KIF13A: variants seen among roughly 807,000 people sequenced by gnomAD.
KIF13A encodes kinesin family member 13A.
Under a neutral mutation model 212.2 loss-of-function variants are expected in KIF13A, and 79 were observed. The ratio of observed to expected loss-of-function variants is 0.37; its 90% CI spans 0.31 to 0.45. The LOEUF (loss-of-function observed/expected upper bound fraction) is 0.45, where lower values mean the gene tolerates loss of function less well. Ranked by LOEUF, KIF13A falls within the 20% of genes least tolerant of loss-of-function variation. KIF13A has a pLI of 1.00. For missense variants in KIF13A, 1,901 were observed against 2,209.0 expected (o/e 0.86, Z 2.79); for synonymous variants, 789 against 808.6 (o/e 0.98, Z 0.41).
At chr6:17,835,058 T>C (rs1023936035) in intron 11 of KIF13A, among the ~76,000 whole-genome samples, 2 of 151,668 alleles carry the variant, frequency 1.3e-5, no homozygotes, top group Non-Finnish European at 2.9e-5. Flanking sequence ...GGCGCATGCC[T>C]GTCTGTAATC....
chr6:17,939,225 G>A (rs930029863), intron 2 of KIF13A, among the ~76,000 whole-genome samples: 4 of 152,106 alleles, frequency 2.6e-5, no homozygotes, highest in Non-Finnish European at 5.9e-5. Context: ...AAACAACAAT[G>A]CCTGCAAGGA....
intron 30 of KIF13A, 124 bp downstream of exon 30, chr6:17,781,053 A>T (rs1177479067): frequency 7.2e-7 from 1 of 1,393,100 alleles, no homozygotes; most frequent in East Asian, 2.3e-5. Flanking sequence ...AGCAACACAA[A>T]TGTTCTATTT....
At chr6:17,932,041 G>A (rs992388067) in intron 2 of KIF13A, among the ~76,000 whole-genome samples, 3 of 152,056 alleles carry the variant, frequency 2.0e-5, no homozygotes, top group Admixed American at 1.3e-4. Context: ...GAGCCCCACT[G>A]CAGACCTACT....
chr6:17,981,362 AAAT>A (rs759169793), intron 2 of KIF13A, among the ~76,000 whole-genome samples: 15 of 152,044 alleles, frequency 9.9e-5, no homozygotes, highest in Non-Finnish European at 1.3e-4. Flanking sequence ...ACTGTCAACA[AAAT>A]AATATAACCA....
intron 12 of KIF13A, among the ~76,000 whole-genome samples, chr6:17,832,614 G>C (rs1410290566): frequency 1.3e-5 from 2 of 151,328 alleles, no homozygotes; most frequent in Non-Finnish European, 2.9e-5. Flanking sequence ...TTCCAGCCTG[G>C]GTGACAAAGC....
In KIF13A at chr6:17,940,833, T is replaced by A. The variant is rs1235671135; in HGVS notation, c.147-42653A>T. On this transcript the variant is annotated intron_variant, in intron 2 of 38. Coordinates refer to ENST00000259711, the MANE Select transcript of KIF13A (RefSeq NM_022113.6). ...TGTAAATTTATTTTTTTTTTTTTTT[T>A]TTTTTTTTTTGAGACAGAATTTGGC... Among the ~76,000 whole-genome samples the A allele has an allele frequency of 6.8e-4, 102 of 150,772 alleles. 1 individual carries two copies. The highest frequency in any genetic ancestry group is 2.0e-3 in the African/African-American group (81 of 41,064).
intron 3 of KIF13A, among the ~76,000 whole-genome samples, chr6:17,874,726 G>A (rs541183495): frequency 7.9e-5 from 12 of 151,972 alleles, no homozygotes; most frequent in Admixed American, 5.9e-4. Context: ...CCTGAGCAGT[G>A]TACACTGCAT....
chr6:17,964,189 A>G (rs759803612), intron 2 of KIF13A, among the ~76,000 whole-genome samples: 8 of 152,158 alleles, frequency 5.3e-5, no homozygotes, highest in Admixed American at 1.3e-4. Flanking sequence ...CCAAGAACTA[A>G]TTATTCAGTT....
chr6:17,827,021 C>T (rs1452961115), intron 14 of KIF13A, among the ~76,000 whole-genome samples: 1 of 151,330 alleles, frequency 6.6e-6, no homozygotes, highest in Non-Finnish European at 1.5e-5. Context: ...GAGATCTTGC[C>T]ACTGTACTCC....
Position 17,856,073 on chromosome 6 carries a change from G to C in KIF13A, c.270C>G (p.Ala90=), listed in dbSNP as rs1768110824. The stretch of plus-strand genomic sequence containing the variant: ...AAATACACGCATTATACCCCTGAAA[G>C]GCTTTTTCAAGAATTCCTTCCCCAA... The part of the protein sequence containing the change: ...KCLGEGILEK[A]FQGYNACIFA... Residue 90 remains alanine, a synonymous_variant, in exon 5 of 39, where the codon GCC becomes GCG. Coordinates refer to ENST00000259711, the MANE Select transcript of KIF13A (RefSeq NM_022113.6). This position sits in a 1 kb window ranked among gnomAD's most constrained non-coding sequence, Gnocchi z 4.5. 6.2e-7 allele frequency: 1 copy of C among 1,613,552 alleles called. No individual in the cohort carries two copies. The highest frequency in any genetic ancestry group is 1.3e-5 in the African/African-American group (1 of 74,988).
At chr6:17,983,264 T>C (rs1357489881) in intron 2 of KIF13A, among the ~76,000 whole-genome samples, 6 of 151,222 alleles carry the variant, frequency 4.0e-5, no homozygotes, top group Admixed American at 2.0e-4. Context: ...AAAATGCACA[T>C]ATATATCTGG....
intron 9 of KIF13A, among the ~76,000 whole-genome samples, chr6:17,848,067 C>T (rs1231758388): frequency 6.6e-6 from 1 of 152,130 alleles, no homozygotes; most frequent in Non-Finnish European, 1.5e-5. Flanking sequence ...CCACCTCAGC[C>T]TCCCAAAGTG....
chr6:17,985,632 C>CCGGGGG (rs112580662), intron 2 of KIF13A, among the ~76,000 whole-genome samples: 55 of 38,142 alleles, frequency 1.4e-3, no homozygotes, highest in Middle Eastern at 0.015. Context: ...ATGCAGTTTG[C>CCGGGGG]GGGGGGGTGG....
rs1774201431 is a variant in KIF13A, at chr6:17,912,968, T to C, written c.147-14788A>G. Among the ~76,000 whole-genome samples, 1 of 151,930 alleles carries C rather than the reference T, an allele frequency of 6.6e-6. No homozygotes were observed. The highest frequency in any genetic ancestry group is 1.5e-5 in the Non-Finnish European group (1 of 67,970). On this transcript the variant is annotated intron_variant, in intron 2 of 38. Transcript: ENST00000259711. This position sits in a 1 kb window ranked among gnomAD's most constrained non-coding sequence, Gnocchi z 4.2. ...TTTTTCTAATTATTTTTATTTTTTA[T>C]ACGAGATAGGGTCTCACTATATTGC...
chr6:17,801,225 C>T (rs893188956), intron 20 of KIF13A, among the ~76,000 whole-genome samples: 36 of 151,664 alleles, frequency 2.4e-4, no homozygotes, highest in Admixed American at 8.5e-4. Flanking sequence ...GGCGTGGTGG[C>T]TCAAGCCTAT....
chr6:17,778,593 C>T (rs1041919614), intron 33 of KIF13A, among the ~76,000 whole-genome samples: 1 of 152,140 alleles, frequency 6.6e-6, no homozygotes, highest in Non-Finnish European at 1.5e-5. Context: ...CGACTTTGTA[C>T]CACTTCCTAG....
chr6:17,937,670 A>G (rs1448748643), intron 2 of KIF13A, among the ~76,000 whole-genome samples: 1 of 152,206 alleles, frequency 6.6e-6, no homozygotes, highest in Non-Finnish European at 1.5e-5. Flanking sequence ...TTATTGTCCA[A>G]TATAAGAATG....
Position 17,787,182 on chromosome 6 carries a change from T to A in KIF13A, c.3361+594A>T, listed in dbSNP as rs1761125886. ...GTGCCTAAAGTACCTTGTATTGACA[T>A]ACTGGTATTGATCACATTTGTGTTC... is the stretch of plus-strand genomic sequence containing the variant. On this transcript the variant is annotated intron_variant, in intron 27 of 38. Transcript: ENST00000259711. This position sits in a 1 kb window ranked among gnomAD's most constrained non-coding sequence, Gnocchi z 4.6. 6.6e-6 allele frequency among the ~76,000 whole-genome samples: 1 copy of A among 152,208 alleles called. No individual in the cohort carries two copies. Among genetic ancestry groups the A allele is most frequent in the African/African-American group, 2.4e-5 (1 of 41,458 alleles).
rs1259108356 is a variant in KIF13A at position 17,886,116 on chromosome 6, T to C, written c.159+12052A>G. ...GATCCTATCTGCTATCTCTGATAAA[T>C]GATTATTGTTACTCATAAAAATGAG... is the stretch of plus-strand genomic sequence containing the variant. On this transcript the variant is annotated intron_variant, in intron 3 of 38. Transcript: ENST00000259711. The surrounding 1 kb of genome is among the most constrained non-coding windows in gnomAD (Gnocchi z 5.6). 3.3e-5 allele frequency among the ~76,000 whole-genome samples: 5 copies of C among 152,254 alleles called. No homozygotes were observed. The highest frequency in any genetic ancestry group is 1.5e-5 in the Non-Finnish European group (1 of 68,044).
Sources: gnomAD v4.1 joint callset for allele counts (sites outside exome capture counted in the v4.1 genomes callset) on GRCh38, gnomAD v4.1.1 for gene constraint, Gnocchi (gnomAD v3.1) non-coding constraint, MANE v1.5 for transcripts, NCBI Gene and HGNC (gene_info 2026-07-23, HGNC 2026-07-21) for gene names.